NTN1: variants seen among roughly 807,000 people sequenced by gnomAD.
NTN1 encodes the protein netrin 1.
A neutral mutation model predicts 54.2 loss-of-function variants in NTN1; 11 were observed. That is an observed-to-expected ratio of 0.20 (90% CI 0.13 to 0.34). The LOEUF is 0.34. NTN1 is among the 10% of genes least tolerant of loss of function. The probability of loss-of-function intolerance (pLI) is 1.00; values close to 1 mark genes in which losing one functional copy is unlikely to be tolerated. For missense variants in NTN1, 740 were observed against 893.1 expected, an observed-to-expected ratio of 0.83 and a Z score of 2.18; for synonymous variants, 371 against 382.0, an observed-to-expected ratio of 0.97 and a Z score of 0.33.
intron 2 of NTN1, among the ~76,000 whole-genome samples, chr17:9,131,020 G>C (rs1228435663): frequency 6.6e-6 from 1 of 152,150 alleles, no homozygotes; most frequent in African/African-American, 2.4e-5. Context: ...AATTCTCTGT[G>C]TGTGTTCCAG....
intron 5 of NTN1, among the ~76,000 whole-genome samples, chr17:9,186,069 C>T (rs2092432172): frequency 6.6e-6 from 1 of 152,124 alleles, no homozygotes; most frequent in Non-Finnish European, 1.5e-5. Context: ...CCTGAGGATC[C>T]ACTTCTCCCA....
At chr17:9,092,766 AT>A (rs397827701) in intron 2 of NTN1, among the ~76,000 whole-genome samples, 1 of 148,800 alleles carries the variant, frequency 6.7e-6, no homozygotes, top group Non-Finnish European at 1.5e-5. Context: ...TAATTTTTGT[AT>A]TTTTTTTTTG....
intron 2 of NTN1, among the ~76,000 whole-genome samples, chr17:9,132,196 TCTC>T: frequency 6.6e-6 from 1 of 152,058 alleles, no homozygotes; most frequent in Non-Finnish European, 1.5e-5. Context: ...CTGAGCACCT[TCTC>T]CTCTACCCAT....
chr17:9,202,448 A>G (rs1383105570), intron 5 of NTN1, among the ~76,000 whole-genome samples: 1 of 152,140 alleles, frequency 6.6e-6, no homozygotes, highest in East Asian at 1.9e-4. Context: ...ACACAGGGTC[A>G]TTTGAGTCTG....
intron 5 of NTN1, among the ~76,000 whole-genome samples, chr17:9,193,050 A>C (rs1024875700): frequency 2.1e-5 from 3 of 144,568 alleles, no homozygotes; most frequent in African/African-American, 7.7e-5. Flanking sequence ...ACTGCACTCC[A>C]GCCTGGGCGA....
chr17:9,131,935 C>T (rs1037610743), intron 2 of NTN1, among the ~76,000 whole-genome samples: 13 of 151,530 alleles, frequency 8.6e-5, no homozygotes, highest in Admixed American at 6.6e-5. Context: ...CCCTAATAGC[C>T]GGGACTACAG....
chr17:9,022,971 G>A lies in NTN1; in HGVS notation c.598G>A (p.Glu200Lys). The A allele has an allele frequency of 6.2e-7, 1 of 1,610,940 alleles. No individual in the cohort carries two copies. Among genetic ancestry groups the A allele is most frequent in the South Asian group, 1.1e-5 (1 of 90,840 alleles). Residue 200 changes from glutamate (E) to lysine (K), a missense_variant, in exon 2 of 7, where the codon GAG becomes AAG. Glu to Lys is a moderately conservative substitution (Grantham distance 56). Transcript: ENST00000173229. ...RAPITKQNEQ[E>K]AVCTDSHTDM... is the part of the protein sequence containing the mutation. ...GCCCATCACCAAGCAGAACGAGCAG[G>A]AGGCCGTGTGCACCGACTCGCACAC...
intron 2 of NTN1, among the ~76,000 whole-genome samples, chr17:9,068,868 T>C (rs569641652): frequency 6.6e-6 from 1 of 152,226 alleles, no homozygotes; most frequent in Non-Finnish European, 1.5e-5. Context: ...CAGTGTGTCA[T>C]CCTCGAATTT....
chr17:9,186,474 C>T (rs2092433045), intron 5 of NTN1, among the ~76,000 whole-genome samples: 1 of 152,248 alleles, frequency 6.6e-6, no homozygotes, highest in African/African-American at 2.4e-5. Context: ...CTCCACCTCC[C>T]AACAGGGATC....
intron 2 of NTN1, among the ~76,000 whole-genome samples, chr17:9,142,295 A>G (rs954758213): frequency 3.1e-5 from 4 of 130,338 alleles, no homozygotes; most frequent in African/African-American, 1.5e-4. Flanking sequence ...TCTCAAAAAG[A>G]AAAAAAAAAA....
intron 2 of NTN1, among the ~76,000 whole-genome samples, chr17:9,029,648 A>G (rs1202675299): frequency 6.6e-6 from 1 of 152,202 alleles, no homozygotes; most frequent in Admixed American, 6.5e-5. Flanking sequence ...CCTTACTCCA[A>G]AAATGGATTT....
intron 5 of NTN1, among the ~76,000 whole-genome samples, chr17:9,192,382 G>A (rs984301092): frequency 1.3e-5 from 2 of 152,202 alleles, no homozygotes; most frequent in African/African-American, 4.8e-5. Flanking sequence ...AAAAACAAGT[G>A]ACACAACACA....
In NTN1 at chr17:9,243,154, G is replaced by A. The variant is rs1260420706; in HGVS notation, c.*3186G>A. On this transcript the variant is annotated 3_prime_UTR_variant, in exon 7 of 7. Transcript: ENST00000173229. Reference sequence around the variant, plus strand: ...CGGGGGAGGACATAGGGCTGTCCCCGGGATTCACCTGCTGGCTGTGGTCTC... The same window carrying A: ...CGGGGGAGGACATAGGGCTGTCCCCAGGATTCACCTGCTGGCTGTGGTCTC... The A allele has an allele frequency of 1.3e-5, 2 of 152,164 alleles. No individual in the cohort carries two copies. The highest frequency in any genetic ancestry group is 4.8e-5 in the African/African-American group (2 of 41,442). The allele number at this position is 152,164 out of a possible 1,614,324, so 9.4% of individuals were successfully genotyped here.
In NTN1 at chr17:9,179,824, G is replaced by A. The variant is rs1251422099; in HGVS notation, c.1225G>A (p.Val409Met). 4.3e-6 allele frequency: 7 copies of A among 1,613,926 alleles called. No homozygotes were observed. Among genetic ancestry groups the A allele is most frequent in the African/African-American group, 2.7e-5 (2 of 74,940 alleles). The change falls in exon 4 of 7, where the codon GTG becomes ATG. Residue 409 changes from valine to methionine, a missense_variant. By Grantham distance (21) the Val-to-Met change is conservative (BLOSUM62 1). Coordinates refer to ENST00000173229, the MANE Select transcript of NTN1 (RefSeq NM_004822.3). ...KACKACDCHP[V>M]GAAGKTCNQT... The stretch of plus-strand genomic sequence containing the variant: ...CTCTGCAGCCTGTGATTGCCACCCT[G>A]TGGGTGCTGCTGGCAAAACCTGCAA...
At chr17:9,021,811 G>A (rs2091849049) in intron 1 of NTN1, among the ~76,000 whole-genome samples, 1 of 152,056 alleles carries the variant, frequency 6.6e-6, no homozygotes. Context: ...CCGGCGACCG[G>A]CGCGCGGGCT....
chr17:9,082,307 C>T (rs907364938), intron 2 of NTN1, among the ~76,000 whole-genome samples: 11 of 152,158 alleles, frequency 7.2e-5, no homozygotes, highest in Admixed American at 5.2e-4. Flanking sequence ...GTGATCCTCC[C>T]GCCTCAGCCT....
intron 5 of NTN1, among the ~76,000 whole-genome samples, chr17:9,201,913 C>T (rs9913860): frequency 6.6e-6 from 1 of 150,578 alleles, no homozygotes; most frequent in Non-Finnish European, 1.5e-5. Context: ...CCGGGCCGGG[C>T]GTGGTGGCTC....
At chr17:9,191,742 T>C (rs1329985350) in intron 5 of NTN1, among the ~76,000 whole-genome samples, 1 of 151,602 alleles carries the variant, frequency 6.6e-6, no homozygotes, top group Non-Finnish European at 1.5e-5. Flanking sequence ...TAAAAGCTTA[T>C]TAGGGATGGA....
intron 2 of NTN1, among the ~76,000 whole-genome samples, chr17:9,106,446 G>A (rs2092166288): frequency 6.6e-6 from 1 of 151,454 alleles, no homozygotes; most frequent in Non-Finnish European, 1.5e-5. Flanking sequence ...TGGCAAAATG[G>A]CATTTCCTTC....
Sources: allele counts gnomAD v4.1 joint callset (sites outside exome capture counted in the v4.1 genomes callset), GRCh38; gene constraint gnomAD v4.1.1; transcripts MANE v1.5; gene names NCBI Gene and HGNC (gene_info 2026-07-23, HGNC 2026-07-21).